Variants in NCK2 observed in about 807,000 individuals in gnomAD.
NCK2 encodes the protein cytoplasmic protein NCK2.
NCK2 carries 16 observed loss-of-function variants against 33.9 expected under a neutral mutation model. The ratio of observed to expected loss-of-function variants is 0.47; its 90% CI spans 0.32 to 0.72. NCK2 has a LOEUF of 0.72. Ranked by LOEUF, NCK2 falls within the 30% of genes least tolerant of loss-of-function variation. The pLI is 0.03. For missense variants in NCK2, 418 were observed against 537.3 expected, an observed-to-expected ratio of 0.78 and a Z score of 2.19; for synonymous variants, 273 against 239.9, an observed-to-expected ratio of 1.14 and a Z score of -1.27.
Position 105,831,911 on chromosome 2 carries a change from TTTTCTA to T in NCK2, c.-17+15304_-17+15309del, listed in dbSNP as rs1478839095. 5.9e-5 allele frequency among the ~76,000 whole-genome samples: 9 copies of T among 152,186 alleles called. 1 individual carries two copies. Among genetic ancestry groups the T allele is most frequent in the African/African-American group, 2.2e-4 (9 of 41,454 alleles). Reference sequence around the variant, plus strand: ...GTTGCATACAAATTTTAGGATTTCTTTTTCTATTTCTGTGAAAAAGTCACTGATATA... The same window carrying T: ...GTTGCATACAAATTTTAGGATTTCTTTTTCTGTGAAAAAGTCACTGATATA... On this transcript the variant is annotated intron_variant, in intron 2 of 4. Transcript: ENST00000233154.
At chr2:105,858,095 T>A (rs1469051536) in intron 3 of NCK2, among the ~76,000 whole-genome samples, 4 of 151,776 alleles carry the variant, frequency 2.6e-5, no homozygotes, top group Non-Finnish European at 4.4e-5. Flanking sequence ...GCCAAAGTGT[T>A]CATGGCTTCC....
At chr2:105,791,368 G>T (rs1473842593) in intron 1 of NCK2, among the ~76,000 whole-genome samples, 1 of 152,168 alleles carries the variant, frequency 6.6e-6, no homozygotes, top group Non-Finnish European at 1.5e-5. Context: ...TCCAGAAGAA[G>T]AGTGACCAGG....
At chr2:105,804,225 A>G (rs1482057350) in intron 1 of NCK2, among the ~76,000 whole-genome samples, 1 of 152,234 alleles carries the variant, frequency 6.6e-6, no homozygotes, top group Non-Finnish European at 1.5e-5. Flanking sequence ...ACAAAATTTC[A>G]TTGTGAAGCT....
intron 1 of NCK2, among the ~76,000 whole-genome samples, chr2:105,794,340 C>T (rs1343984376): frequency 6.6e-6 from 1 of 152,126 alleles, no homozygotes; most frequent in Non-Finnish European, 1.5e-5. Flanking sequence ...GCATGCGCCA[C>T]CATGCCTGGC....
chr2:105,780,393 T>A (rs1690453853), intron 1 of NCK2, among the ~76,000 whole-genome samples: 1 of 151,872 alleles, frequency 6.6e-6, no homozygotes, highest in South Asian at 2.1e-4. Flanking sequence ...ACACATACTC[T>A]CTCCCTTTCT....
intron 1 of NCK2, among the ~76,000 whole-genome samples, chr2:105,811,498 A>G (rs555996826): frequency 6.6e-6 from 1 of 152,184 alleles, no homozygotes; most frequent in Admixed American, 6.5e-5. Context: ...ACGTACCTGA[A>G]TGTGTGTTCC....
chr2:105,884,824 C>T (rs1426562910), intron 4 of NCK2, among the ~76,000 whole-genome samples: 1 of 152,184 alleles, frequency 6.6e-6, no homozygotes, highest in Admixed American at 6.5e-5. Context: ...TCTCCTCTCT[C>T]ATCTACAATT....
At chr2:105,846,106 C>T (rs1490589784) in intron 2 of NCK2, among the ~76,000 whole-genome samples, 1 of 152,054 alleles carries the variant, frequency 6.6e-6, no homozygotes. Context: ...ACAGTCACAG[C>T]CTTCCTCCCA....
Position 105,881,634 on chromosome 2 carries a change from G to C in NCK2, c.533G>C (p.Ser178Thr), listed in dbSNP as rs1678491946. The C allele has an allele frequency of 6.2e-7, 1 of 1,613,618 alleles. No individual in the cohort carries two copies. Among genetic ancestry groups the C allele is most frequent in the Non-Finnish European group, 8.5e-7 (1 of 1,179,792 alleles). ...EVDEAAAESP[S>T]FLSLRKGASL... Reference sequence around the variant, plus strand: ...GACGAGGCGGCTGCGGAGTCCCCAAGCTTCCTGAGCCTGCGCAAGGGCGCC... The same window carrying C: ...GACGAGGCGGCTGCGGAGTCCCCAACCTTCCTGAGCCTGCGCAAGGGCGCC... The change falls in exon 4 of 5, where the codon AGC (serine) becomes ACC (threonine). Residue 178 changes from serine (S) to threonine (T), a missense_variant. Ser to Thr is a moderately conservative substitution (Grantham distance 58). Coordinates refer to ENST00000233154, the MANE Select transcript of NCK2 (RefSeq NM_003581.5).
At position 105,855,246 on chromosome 2, in the gene NCK2, C is replaced by T. The variant is rs765262710; in HGVS notation, c.183C>T (p.Ser61=). 6 of 1,612,710 alleles carry T rather than the reference C, an allele frequency of 3.7e-6. No individual in the cohort carries two copies. In the Admixed American group the frequency reaches 1.0e-4, roughly 27 times the overall value. Residue 61 remains serine (S), a synonymous_variant, in exon 3 of 5, where the codon AGC becomes AGT. Coordinates refer to ENST00000233154, the MANE Select transcript of NCK2 (RefSeq NM_003581.5). The part of the protein sequence containing the change: ...VPSNYVERKN[S]LKKGSLVKNL... ...CCAACTACGTGGAGCGGAAGAACAGCCTGAAGAAGGGCTCCCTCGTGAAGA... is the reference window on the plus strand; with the variant it reads ...CCAACTACGTGGAGCGGAAGAACAGTCTGAAGAAGGGCTCCCTCGTGAAGA...
At chr2:105,830,652 C>A (rs1676135194) in intron 2 of NCK2, among the ~76,000 whole-genome samples, 2 of 126,212 alleles carry the variant, frequency 1.6e-5, no homozygotes, top group South Asian at 2.4e-4. Context: ...TCTTTGTTTG[C>A]ATCCTTGCCA....
At chr2:105,768,362 C>G (rs1690015908) in intron 1 of NCK2, among the ~76,000 whole-genome samples, 1 of 152,182 alleles carries the variant, frequency 6.6e-6, no homozygotes, top group Admixed American at 6.5e-5. Context: ...TCAGTTCTGA[C>G]ACTAGCTTTT....
intron 3 of NCK2, among the ~76,000 whole-genome samples, chr2:105,858,637 AC>A (rs1677387487): frequency 6.6e-6 from 1 of 152,116 alleles, no homozygotes; most frequent in African/African-American, 2.4e-5. Flanking sequence ...TGCATCTCCA[AC>A]TGTAGATTAC....
chr2:105,763,981 T>TA (rs1304049027), intron 1 of NCK2, among the ~76,000 whole-genome samples: 1 of 152,238 alleles, frequency 6.6e-6, no homozygotes, highest in East Asian at 1.9e-4. Context: ...ATTGAGCACT[T>TA]AACGTGGCTG....
chr2:105,861,652 C>T (rs935755935), intron 3 of NCK2, among the ~76,000 whole-genome samples: 1 of 151,640 alleles, frequency 6.6e-6, no homozygotes, highest in Non-Finnish European at 1.5e-5. Context: ...GTAGCTGGGA[C>T]TACAGGTGTG....
At chr2:105,843,395 GA>G (rs5833154) in intron 2 of NCK2, among the ~76,000 whole-genome samples, 84,679 of 131,890 alleles carry the variant, frequency 0.64, 26,152 homozygotes, top group East Asian at 0.78. Flanking sequence ...GGTCCCATAA[GA>G]AAAAAAAAAA....
At chr2:105,833,492 A>G (rs1471343961) in intron 2 of NCK2, among the ~76,000 whole-genome samples, 2 of 152,124 alleles carry the variant, frequency 1.3e-5, no homozygotes, top group Non-Finnish European at 2.9e-5. Context: ...ATCATTGTTC[A>G]TATTAGTCTC....
At position 105,881,965 on chromosome 2, in the gene NCK2, G is replaced by C; in HGVS notation, c.864G>C (p.Gly288=). 1 of 1,534,190 alleles carries C rather than the reference G, an allele frequency of 6.5e-7. No homozygotes were observed. Among genetic ancestry groups the C allele is most frequent in the Non-Finnish European group, 8.8e-7 (1 of 1,142,760 alleles). The change falls in exon 4 of 5, where the codon GGG becomes GGC. Residue 288 remains glycine (G), a synonymous_variant. Transcript: ENST00000233154. ...TCGCGGGCAGAGAGTGGTACTACGG[G>C]AACGTGACGCGGCACCAGGCCGAGT... ...GRFAGREWYY[G]NVTRHQAECA...
At chr2:105,769,522 T>C (rs956980741) in intron 1 of NCK2, among the ~76,000 whole-genome samples, 1 of 152,196 alleles carries the variant, frequency 6.6e-6, no homozygotes, top group Non-Finnish European at 1.5e-5. Flanking sequence ...TGACTCTACT[T>C]ATAATAACGT....
Sources: allele counts gnomAD v4.1 joint callset (sites outside exome capture counted in the v4.1 genomes callset), GRCh38; gene constraint gnomAD v4.1.1; transcripts MANE v1.5; gene names NCBI Gene and HGNC (gene_info 2026-07-23, HGNC 2026-07-21).